Variants in ALG6 observed in about 807,000 individuals in gnomAD.
ALG6 encodes dolichyl pyrophosphate Man9GlcNAc2 alpha-1,3-glucosyltransferase.
Under a neutral mutation model 66.6 loss-of-function variants are expected in ALG6, and 46 were observed. The ratio of observed to expected loss-of-function variants is 0.69; its 90% CI spans 0.55 to 0.88. The LOEUF is 0.88. Among genes scored for constraint, ALG6 ranks in the 40% least tolerant of loss-of-function variants. The probability of loss-of-function intolerance (pLI) is 0.00; values close to 1 mark genes in which losing one functional copy is unlikely to be tolerated. For missense variants in ALG6, 505 were observed against 586.8 expected, an observed-to-expected ratio of 0.86 and a Z score of 1.44; for synonymous variants, 185 against 203.7, an observed-to-expected ratio of 0.91 and a Z score of 0.78.
chr1:63,400,222 CGT>C (rs1491358383), intron 3 of ALG6, among the ~76,000 whole-genome samples: 2,860 of 12,196 alleles, frequency 0.23, 722 homozygotes, highest in Middle Eastern at 0.42. Context: ...TATATATATA[CGT>C]ATATATATAT....
intron 2 of ALG6, among the ~76,000 whole-genome samples, chr1:63,379,473 A>G (rs1245007660): frequency 6.6e-6 from 1 of 152,170 alleles, no homozygotes; most frequent in African/African-American, 2.4e-5. Context: ...TGTATTTTAA[A>G]TTGTAGTAGA....
intron 2 of ALG6, among the ~76,000 whole-genome samples, chr1:63,390,920 A>G (rs1648653834): frequency 6.6e-6 from 1 of 152,172 alleles, no homozygotes; most frequent in African/African-American, 2.4e-5. Context: ...TACCCTCTTC[A>G]GTGCCTCTTT....
chr1:63,432,568 T>G (rs945647495), intron 14 of ALG6, among the ~76,000 whole-genome samples: 1 of 152,262 alleles, frequency 6.6e-6, no homozygotes, highest in Non-Finnish European at 1.5e-5. Flanking sequence ...CTCTGCATTT[T>G]ATACATGCCA....
chr1:63,389,204 G>A (rs1357490114), intron 2 of ALG6, among the ~76,000 whole-genome samples: 7 of 152,044 alleles, frequency 4.6e-5, no homozygotes, highest in Admixed American at 6.5e-5. Flanking sequence ...TTTAAGGCCA[G>A]AAGCTCTTAG....
chr1:63,415,058 A>G (rs1464399530), intron 10 of ALG6, among the ~76,000 whole-genome samples: 1 of 152,180 alleles, frequency 6.6e-6, no homozygotes, highest in Non-Finnish European at 1.5e-5. Flanking sequence ...TTAGTGTTCA[A>G]ATAACTGGGA....
chr1:63,389,810 A>G (rs1648614712), intron 2 of ALG6, among the ~76,000 whole-genome samples: 1 of 152,224 alleles, frequency 6.6e-6, no homozygotes, highest in African/African-American at 2.4e-5. Context: ...GCCCAGTTAC[A>G]CTGTGACTCT....
chr1:63,391,959 C>A (rs1570048006), intron 2 of ALG6, among the ~76,000 whole-genome samples: 2 of 152,202 alleles, frequency 1.3e-5, no homozygotes, highest in East Asian at 3.9e-4. Context: ...CAAAGTGTTA[C>A]CAGTGTCTTT....
At chr1:63,376,230 G>T (rs1481381682) in intron 2 of ALG6, among the ~76,000 whole-genome samples, 1 of 152,176 alleles carries the variant, frequency 6.6e-6, no homozygotes, top group Non-Finnish European at 1.5e-5. Flanking sequence ...ACTGTAGGCA[G>T]TTGTAGCACA....
chr1:63,386,052 T>C (rs1171288446), intron 2 of ALG6, among the ~76,000 whole-genome samples: 1 of 152,210 alleles, frequency 6.6e-6, no homozygotes, highest in African/African-American at 2.4e-5. Context: ...CAGATACTTT[T>C]TCAGCATCAA....
chr1:63,421,239 C>A (rs956535240), intron 12 of ALG6, among the ~76,000 whole-genome samples: 2 of 152,082 alleles, frequency 1.3e-5, no homozygotes, highest in Non-Finnish European at 2.9e-5. Flanking sequence ...AGTGCAATAG[C>A]GTGATCTTGG....
Position 63,437,192 on chromosome 1 carries a change from G to A in ALG6, c.*172G>A, listed in dbSNP as rs1458645138. 1 of 614,286 alleles carries A rather than the reference G, an allele frequency of 1.6e-6. No homozygotes were observed. Among genetic ancestry groups the A allele is most frequent in the Non-Finnish European group, 2.8e-6 (1 of 359,372 alleles). 38.1% of individuals were successfully genotyped at this position (614,286 alleles called of 1,614,324 possible). On this transcript the variant is annotated 3_prime_UTR_variant, in exon 15 of 15. Coordinates refer to ENST00000263440, the MANE Select transcript of ALG6 (RefSeq NM_013339.4). ...TTGTCTACACAAAATAAATGTATAT[G>A]GAGACCAAAGACCAATGGAGGCTTG...
intron 14 of ALG6, chr1:63,429,507 T>G (rs1644634378): frequency 5.6e-6 from 1 of 177,342 alleles, no homozygotes; most frequent in Admixed American, 5.6e-5. Flanking sequence ...GAAATTTATT[T>G]TCTTACAGTT....
chr1:63,404,653 AAC>A (rs1181308822), intron 5 of ALG6, 112 bp downstream of exon 5: 3 of 828,744 alleles, frequency 3.6e-6, no homozygotes, highest in African/African-American at 1.7e-5. Context: ...CAATTACACA[AAC>A]ACATATATTT....
chr1:63,412,789 C>CA (rs1644523249), intron 9 of ALG6, among the ~76,000 whole-genome samples: 1 of 151,894 alleles, frequency 6.6e-6, no homozygotes, highest in East Asian at 1.9e-4. Context: ...TTTTCTGAAA[C>CA]AAAAAGGCCT....
intron 12 of ALG6, among the ~76,000 whole-genome samples, chr1:63,423,916 C>T (rs1249851369): frequency 6.6e-6 from 1 of 152,212 alleles, no homozygotes; most frequent in Non-Finnish European, 1.5e-5. Context: ...GGCTGCACCA[C>T]TTAACATTCC....
In ALG6 at chr1:63,415,782, T is replaced by C. The variant is rs1274901026; in HGVS notation, c.903-91T>C. On this transcript the variant is annotated intron_variant, in intron 10 of 14. Transcript: ENST00000263440. The stretch of plus-strand genomic sequence containing the variant: ...AATAAACTTAAGTTGATAAATAATA[T>C]GATCCTTATATTTAAAAAATATTTC... 6 of 729,424 alleles carry C rather than the reference T, an allele frequency of 8.2e-6. No homozygotes were observed. The Admixed American group carries it at 8.6e-5, about 10-fold the overall frequency. 45.2% of individuals were successfully genotyped at this position (729,424 alleles called of 1,614,324 possible).
intron 12 of ALG6, among the ~76,000 whole-genome samples, chr1:63,422,246 T>TATATATATTTATATAGATATAA (rs1644584372): frequency 6.1e-5 from 3 of 48,950 alleles, no homozygotes; most frequent in South Asian, 7.4e-4. Context: ...TATATATAAA[T>TATATATATTTATATAGATATAA]ATATATATTT....
chr1:63,433,230 C>T lies in ALG6; in HGVS notation c.1327-3593C>T, dbSNP rs183630047. On this transcript the variant is annotated intron_variant, in intron 14 of 14. Transcript: ENST00000263440. This position sits in a 1 kb window ranked among gnomAD's most constrained non-coding sequence, Gnocchi z 4.2. ...TGCTGGGATTACAGGCGTGAGCTAC[C>T]GCGCCCAGCCCAACAGGCTATACTT... 2.8e-4 allele frequency among the ~76,000 whole-genome samples: 43 copies of T among 152,284 alleles called. No homozygotes were observed. The highest frequency in any genetic ancestry group is 7.0e-4 in the African/African-American group (29 of 41,572).
At chr1:63,378,119 A>T (rs559194353) in intron 2 of ALG6, among the ~76,000 whole-genome samples, 2 of 151,736 alleles carry the variant, frequency 1.3e-5, no homozygotes, top group African/African-American at 4.8e-5. Flanking sequence ...CTTTGAGATC[A>T]TTTTTTTCTT....
Sources: gnomAD v4.1 joint callset for allele counts (sites outside exome capture counted in the v4.1 genomes callset) on GRCh38, gnomAD v4.1.1 for gene constraint, Gnocchi (gnomAD v3.1) non-coding constraint, MANE v1.5 for transcripts, NCBI Gene and HGNC (gene_info 2026-07-23, HGNC 2026-07-21) for gene names.